The following PPM1L variants were observed in gnomAD, a reference collection of about 807,000 sequenced individuals.
PPM1L encodes protein phosphatase, Mg2+/Mn2+ dependent 1L.
PPM1L carries 13 observed loss-of-function variants against 31.4 expected under a neutral mutation model. That is an observed-to-expected ratio of 0.41 (90% CI 0.27 to 0.66). The LOEUF is 0.66. Ranked by LOEUF, PPM1L falls within the 30% of genes least tolerant of loss-of-function variation. PPM1L has a pLI of 0.29. For missense variants in PPM1L, 326 were observed against 453.7 expected (o/e 0.72, Z 2.56); for synonymous variants, 184 against 175.4 (o/e 1.05, Z -0.39).
chr3:160,915,460 G>C (rs1714135757), intron 1 of PPM1L, among the ~76,000 whole-genome samples: 1 of 137,642 alleles, frequency 7.3e-6, no homozygotes, highest in South Asian at 2.3e-4. Flanking sequence ...GGAAGAATCA[G>C]TATCATGAAA....
intron 1 of PPM1L, among the ~76,000 whole-genome samples, chr3:160,830,935 A>G (rs1200793011): frequency 2.6e-5 from 4 of 152,206 alleles, no homozygotes; most frequent in Non-Finnish European, 2.9e-5. Context: ...ATCAGCAAAA[A>G]CATTTTCTGA....
intron 2 of PPM1L, among the ~76,000 whole-genome samples, chr3:161,039,763 G>A (rs537583793): frequency 2.0e-5 from 3 of 152,062 alleles, no homozygotes; most frequent in Admixed American, 6.6e-5. Flanking sequence ...TGATCCGCCC[G>A]CCTCGGCCTC....
intron 1 of PPM1L, among the ~76,000 whole-genome samples, chr3:160,951,701 G>T (rs1357477272): frequency 6.6e-6 from 1 of 152,154 alleles, no homozygotes; most frequent in Non-Finnish European, 1.5e-5. Flanking sequence ...AAAGTTATTT[G>T]AGGTTCGTCA....
At chr3:160,886,169 A>G (rs1712910160) in intron 1 of PPM1L, among the ~76,000 whole-genome samples, 1 of 151,978 alleles carries the variant, frequency 6.6e-6, no homozygotes, top group African/African-American at 2.4e-5. Context: ...TAACTCCAAC[A>G]ACTCCAGCCA....
At chr3:160,841,546 C>T (rs1276061055) in intron 1 of PPM1L, among the ~76,000 whole-genome samples, 1 of 152,074 alleles carries the variant, frequency 6.6e-6, no homozygotes, top group Non-Finnish European at 1.5e-5. Context: ...ACTTTTAAAA[C>T]AGTAGGAAAA....
intron 1 of PPM1L, among the ~76,000 whole-genome samples, chr3:160,938,205 A>G (rs1197243079): frequency 1.3e-5 from 2 of 152,208 alleles, no homozygotes; most frequent in Non-Finnish European, 2.9e-5. Context: ...ATGTGACAGC[A>G]GGAATTTGAA....
intron 1 of PPM1L, among the ~76,000 whole-genome samples, chr3:160,838,674 G>C (rs1275083418): frequency 6.6e-6 from 1 of 152,110 alleles, no homozygotes; most frequent in Non-Finnish European, 1.5e-5. Flanking sequence ...AATATAAGAA[G>C]TGACCATTCA....
At chr3:160,927,648 G>C (rs562696978) in intron 1 of PPM1L, among the ~76,000 whole-genome samples, 1 of 152,050 alleles carries the variant, frequency 6.6e-6, no homozygotes, top group East Asian at 1.9e-4. Context: ...GCGTGCGCGC[G>C]CATGCACGTA....
rs139742291 is a variant in PPM1L at position 160,960,372 on chromosome 3, A to G, written c.400-1364A>G. On this transcript the variant is annotated intron_variant, in intron 1 of 3. Coordinates refer to ENST00000498165, the MANE Select transcript of PPM1L (RefSeq NM_139245.4). Reference sequence around the variant, plus strand: ...TAATTTAGTTATGTTGGGAACATTCAAAAACCTTTATTCTAGCTATTTTGT... The same window carrying G: ...TAATTTAGTTATGTTGGGAACATTCGAAAACCTTTATTCTAGCTATTTTGT... Among the ~76,000 whole-genome samples the G allele has an allele frequency of 3.9e-3, 588 of 152,238 alleles. 4 individuals are homozygous for G. The highest frequency in any genetic ancestry group is 0.013 in the African/African-American group (547 of 41,554).
At chr3:160,874,461 A>G (rs1046248365) in intron 1 of PPM1L, among the ~76,000 whole-genome samples, 1 of 152,064 alleles carries the variant, frequency 6.6e-6, no homozygotes, top group African/African-American at 2.4e-5. Context: ...TTTTCCCTTT[A>G]AGTCTGCCAA....
At chr3:160,843,469 TG>T (rs1264061780) in intron 1 of PPM1L, among the ~76,000 whole-genome samples, 3 of 133,818 alleles carry the variant, frequency 2.2e-5, no homozygotes, top group African/African-American at 5.4e-5. Flanking sequence ...TATATATATA[TG>T]TTTTTTTTAA....
At chr3:161,032,518 A>C (rs1196128463) in intron 2 of PPM1L, among the ~76,000 whole-genome samples, 2 of 152,122 alleles carry the variant, frequency 1.3e-5, no homozygotes, top group Non-Finnish European at 2.9e-5. Context: ...CTATTATAGA[A>C]ACTTGCTATT....
In PPM1L at chr3:160,756,418, GTTAC is replaced by G. The variant is rs746715028; in HGVS notation, c.113_116del (p.Tyr38SerfsTer7). 1 of 1,614,242 alleles carries G rather than the reference GTTAC, an allele frequency of 6.2e-7. No homozygotes were observed. On this transcript the variant is annotated frameshift_variant, in exon 1 of 4. Transcript: ENST00000498165. LOFTEE classifies it high-confidence loss of function. This position sits in a 1 kb window ranked among gnomAD's most constrained non-coding sequence, Gnocchi z 6.2. ...CTGTGCATCAGCTTGGCTCTATGGA[GTTAC>G]TTCTTCCACACCGACGAGGTGAAGA... is the stretch of plus-strand genomic sequence containing the variant.
chr3:160,959,927 C>CTA (rs942871289), intron 1 of PPM1L, among the ~76,000 whole-genome samples: 13 of 151,990 alleles, frequency 8.6e-5, no homozygotes, highest in East Asian at 5.8e-4. Flanking sequence ...GCTAAATACA[C>CTA]TATATATATA....
intron 2 of PPM1L, among the ~76,000 whole-genome samples, chr3:160,973,599 GAGGT>G (rs1231359045): frequency 6.6e-6 from 1 of 152,080 alleles, no homozygotes; most frequent in African/African-American, 2.4e-5. Flanking sequence ...GTAGTAGTGA[GAGGT>G]AGGTAAAATG....
rs111613482 is a variant in PPM1L, at chr3:160,834,471, A to G, written c.399+77764A>G. 4.2e-3 allele frequency among the ~76,000 whole-genome samples: 582 copies of G among 139,018 alleles called. 3 individuals carry two copies. Among genetic ancestry groups the G allele is most frequent in the African/African-American group, 0.014 (521 of 37,940 alleles). 91.2% of individuals were successfully genotyped at this position (139,018 alleles called of 152,430 possible). A position where few individuals can be genotyped will look rare whatever the true frequency, so the allele number is the denominator to read the frequency against. On this transcript the variant is annotated intron_variant, in intron 1 of 3. Transcript: ENST00000498165. ...TTTTTACATGCATTTGTGTATGTGT[A>G]TGTGTGTGTGTGTGTGTGTGTGTGT...
In PPM1L at chr3:161,001,677, T is replaced by C. The variant is rs145201999; in HGVS notation, c.574+39767T>C. On this transcript the variant is annotated intron_variant, in intron 2 of 3. Coordinates refer to ENST00000498165, the MANE Select transcript of PPM1L (RefSeq NM_139245.4). ...ATAACACCCCCAGCTCTTTTTTTCT[T>C]CTATCAAAGCTTCACTAGCTACCAG... 8.5e-3 allele frequency among the ~76,000 whole-genome samples: 1,290 copies of C among 152,334 alleles called. 9 individuals carry two copies. The highest frequency in any genetic ancestry group is 0.014 in the Non-Finnish European group (937 of 68,036).
At chr3:160,903,929 A>T (rs1169720071) in intron 1 of PPM1L, among the ~76,000 whole-genome samples, 4 of 152,100 alleles carry the variant, frequency 2.6e-5, no homozygotes, top group Non-Finnish European at 4.4e-5. Context: ...TATCTTGGTA[A>T]AATTCTGTCC....
At chr3:161,066,705 C>T (rs1384209745) in intron 3 of PPM1L, among the ~76,000 whole-genome samples, 2 of 152,134 alleles carry the variant, frequency 1.3e-5, no homozygotes, top group African/African-American at 2.4e-5. Context: ...GGGGAGCAAG[C>T]GGGGTGCTCA....
Sources: gnomAD v4.1 joint callset for allele counts (sites outside exome capture counted in the v4.1 genomes callset) on GRCh38, gnomAD v4.1.1 for gene constraint, Gnocchi (gnomAD v3.1) non-coding constraint, MANE v1.5 for transcripts, NCBI Gene and HGNC (gene_info 2026-07-23, HGNC 2026-07-21) for gene names.